TRIM24: variants seen among roughly 807,000 people sequenced by gnomAD.
The protein encoded by TRIM24 is tripartite motif containing 24, also known as transcription intermediary factor 1-alpha.
TRIM24 carries 29 observed loss-of-function variants against 123.9 expected under a neutral mutation model. The ratio of observed to expected loss-of-function variants is 0.23; its 90% CI spans 0.17 to 0.32. TRIM24 has a LOEUF of 0.32. Ranked by LOEUF, TRIM24 falls within the 10% of genes least tolerant of loss-of-function variation. The pLI, the probability that TRIM24 is intolerant of heterozygous loss-of-function variation, is 1.00. For synonymous variants in TRIM24, 456 were observed against 461.1 expected, an observed-to-expected ratio of 0.99 and a Z score of 0.14; for missense variants, 932 against 1,295.3, an observed-to-expected ratio of 0.72 and a Z score of 4.31.
intron 9 of TRIM24, among the ~76,000 whole-genome samples, chr7:138,562,055 C>T (rs564369384): frequency 1.3e-5 from 2 of 152,322 alleles, no homozygotes; most frequent in South Asian, 4.1e-4. Flanking sequence ...ATATTGGACT[C>T]TCCTGGAGCA....
At chr7:138,561,258 T>C (rs1371301803) in intron 9 of TRIM24, among the ~76,000 whole-genome samples, 2 of 152,166 alleles carry the variant, frequency 1.3e-5, no homozygotes, top group Non-Finnish European at 2.9e-5. Context: ...GCCGGACCCC[T>C]TCCAATACAA....
chr7:138,587,167 A>C lies in TRIM24; in HGVS notation c.*2216A>C, dbSNP rs901588730. The C allele has an allele frequency of 6.6e-6, 1 of 152,204 alleles. No individual in the cohort carries two copies. Among genetic ancestry groups the C allele is most frequent in the Non-Finnish European group, 1.5e-5 (1 of 68,056 alleles). The allele number at this position is 152,204 out of a possible 1,614,324, so 9.4% of individuals were successfully genotyped here. A position where few individuals can be genotyped will look rare whatever the true frequency, so the allele number is the denominator to read the frequency against. On this transcript the variant is annotated 3_prime_UTR_variant, in exon 19 of 19. Transcript: ENST00000343526. ...CAAGAGTTCGAGATCAGCCTGGCCA[A>C]CATTGTGAAACCCCGCCTCTACAAA...
chr7:138,569,811 C>A (rs1797615952), intron 10 of TRIM24, among the ~76,000 whole-genome samples: 1 of 152,126 alleles, frequency 6.6e-6, no homozygotes, highest in African/African-American at 2.4e-5. Context: ...TCTTGCAGTA[C>A]ACTTAGTTAC....
chr7:138,558,321 C>T (rs998700952), intron 9 of TRIM24, among the ~76,000 whole-genome samples: 1 of 152,176 alleles, frequency 6.6e-6, no homozygotes, highest in Non-Finnish European at 1.5e-5. Context: ...TAATTCTATC[C>T]TACCCAGTTG....
intron 4 of TRIM24, among the ~76,000 whole-genome samples, chr7:138,522,232 A>G (rs6467781): frequency 0.44 from 66,777 of 151,818 alleles, 15,523 homozygotes; most frequent in African/African-American, 0.5. Context: ...GCTACTCGGG[A>G]GGCTTAGGCA....
Position 138,538,688 on chromosome 7 carries a change from T to A in TRIM24, c.1028T>A (p.Met343Lys). Residue 343 changes from methionine (M) to lysine (K), a missense_variant, in exon 7 of 19, where the codon ATG becomes AAG. Physicochemically the swap from Met to Lys is moderately conservative, Grantham distance 95 (BLOSUM62 -1). Transcript: ENST00000343526. ...SLAKDHRMKL[M>K]QQQQEVAGLS... ...GCAAAGGACCATCGCATGAAACTTA[T>A]GCAACAACAACAGGAAGTGGCTGGA... The A allele has an allele frequency of 6.2e-7, 1 of 1,614,182 alleles. No homozygotes were observed. Among genetic ancestry groups the A allele is most frequent in the Non-Finnish European group, 8.5e-7 (1 of 1,180,004 alleles).
At chr7:138,574,783 G>A (rs952755030) in intron 12 of TRIM24, among the ~76,000 whole-genome samples, 8 of 152,136 alleles carry the variant, frequency 5.3e-5, no homozygotes, top group Non-Finnish European at 1.0e-4. Context: ...ATATTGTACT[G>A]TGGGCAAAGT....
At chr7:138,468,240 T>C (rs1795194138) in intron 1 of TRIM24, among the ~76,000 whole-genome samples, 1 of 152,214 alleles carries the variant, frequency 6.6e-6, no homozygotes, top group Non-Finnish European at 1.5e-5. Flanking sequence ...ACTTTTCCTG[T>C]GTCTATTGAA....
chr7:138,518,290 A>G (rs998660339), intron 3 of TRIM24, among the ~76,000 whole-genome samples: 1 of 152,194 alleles, frequency 6.6e-6, no homozygotes, highest in Non-Finnish European at 1.5e-5. Flanking sequence ...ACACTGCACT[A>G]TACTATATGT....
chr7:138,532,512 G>A (rs954414028), intron 6 of TRIM24, among the ~76,000 whole-genome samples: 3 of 152,178 alleles, frequency 2.0e-5, no homozygotes, highest in Non-Finnish European at 2.9e-5. Flanking sequence ...GTTTGTCAAA[G>A]ATCAGATGGT....
intron 3 of TRIM24, among the ~76,000 whole-genome samples, chr7:138,518,113 A>G (rs1195443724): frequency 3.3e-5 from 5 of 152,206 alleles, no homozygotes; most frequent in African/African-American, 1.2e-4. Flanking sequence ...TATCCTTAGC[A>G]GGTGGTATAG....
chr7:138,461,217 T>C lies in TRIM24; in HGVS notation c.364+305T>C, dbSNP rs768814662. 26 of 646,810 alleles carry C rather than the reference T, an allele frequency of 4.0e-5. No individual in the cohort carries two copies. In the East Asian group the frequency reaches 6.8e-4, roughly 17 times the overall value. The allele number at this position is 646,810 out of a possible 1,614,324, so 40.1% of individuals were successfully genotyped here. On this transcript the variant is annotated intron_variant, in intron 1 of 18. Coordinates refer to ENST00000343526, the MANE Select transcript of TRIM24 (RefSeq NM_015905.3). ...GCACTTTTGCAGACCTCTGTCGGAGTCTCCTGCAGCCGGAATCTCGGGTTC... is the reference window on the plus strand; with the variant it reads ...GCACTTTTGCAGACCTCTGTCGGAGCCTCCTGCAGCCGGAATCTCGGGTTC...
intron 7 of TRIM24, 85 bp from the exon 8 acceptor site, chr7:138,550,978 C>A: frequency 1.9e-6 from 2 of 1,036,500 alleles, no homozygotes; most frequent in Non-Finnish European, 3.0e-6. Flanking sequence ...TATTGATGTA[C>A]ATACCAGAGA....
rs139402897 is a variant in TRIM24, at chr7:138,542,177, A to G, written c.1143+3374A>G. Among the ~76,000 whole-genome samples the G allele has an allele frequency of 1.4e-4, 22 of 152,298 alleles. No individual in the cohort carries two copies. In the East Asian group the frequency reaches 3.3e-3, roughly 23 times the overall value. On this transcript the variant is annotated intron_variant, in intron 7 of 18. Coordinates refer to ENST00000343526, the MANE Select transcript of TRIM24 (RefSeq NM_015905.3). ...TTTCCTTCAAGAACTTTTCCTTTAC[A>G]TTCACAACTTGGCTAACTGGTGTGA...
At chr7:138,560,671 T>C (rs1797408469) in intron 9 of TRIM24, among the ~76,000 whole-genome samples, 1 of 152,180 alleles carries the variant, frequency 6.6e-6, no homozygotes, top group South Asian at 2.1e-4. Flanking sequence ...TTATATGAGT[T>C]CCTTGATGGA....
chr7:138,545,120 C>A (rs1797074691), intron 7 of TRIM24, among the ~76,000 whole-genome samples: 1 of 151,968 alleles, frequency 6.6e-6, no homozygotes. Flanking sequence ...GGACCGTATC[C>A]CCAAGATATC....
chr7:138,545,416 A>AC (rs1797083201), intron 7 of TRIM24: 1 of 456,680 alleles, frequency 2.2e-6, no homozygotes, highest in Non-Finnish European at 4.4e-6. Flanking sequence ...GTAAATAAGT[A>AC]AATGGATTGA....
At chr7:138,534,254 A>G (rs1796815602) in intron 6 of TRIM24, among the ~76,000 whole-genome samples, 1 of 151,958 alleles carries the variant, frequency 6.6e-6, no homozygotes. Flanking sequence ...GCCTTCTGCT[A>G]GCTTTTGAAT....
intron 17 of TRIM24, 151 bp from the exon 18 acceptor site, chr7:138,583,699 A>G: frequency 1.7e-6 from 1 of 598,496 alleles, no homozygotes; most frequent in Non-Finnish European, 2.8e-6. Flanking sequence ...GGGCACTTGT[A>G]AACACTGTTA....
Sources: allele counts gnomAD v4.1 joint callset (sites outside exome capture counted in the v4.1 genomes callset), GRCh38; gene constraint gnomAD v4.1.1; transcripts MANE v1.5; gene names NCBI Gene and HGNC (gene_info 2026-07-23, HGNC 2026-07-21).